TLCD4: variants seen among roughly 807,000 people sequenced by gnomAD.
TLCD4 encodes TLC domain-containing protein 4.
A neutral mutation model predicts 24.2 loss-of-function variants in TLCD4; 7 were observed. That is an observed-to-expected ratio of 0.29 (90% CI 0.16 to 0.54). The LOEUF is 0.54. Ranked by LOEUF, TLCD4 falls within the 20% of genes least tolerant of loss-of-function variation. The pLI is 0.95. For missense variants in TLCD4, 259 were observed against 313.9 expected (o/e 0.82, Z 1.32); for synonymous variants, 103 against 106.4 (o/e 0.97, Z 0.20).
chr1:95,181,340 T>C (rs1400998253), intron 6 of TLCD4, among the ~76,000 whole-genome samples: 1 of 152,168 alleles, frequency 6.6e-6, no homozygotes, highest in African/African-American at 2.4e-5. Flanking sequence ...GTTTGAAGCA[T>C]ATGAAAAATA....
At chr1:95,186,518 A>G (rs1678836150) in intron 6 of TLCD4, among the ~76,000 whole-genome samples, 1 of 152,212 alleles carries the variant, frequency 6.6e-6, no homozygotes, top group South Asian at 2.1e-4. Context: ...TTTGAAGGTC[A>G]AAGAAGTAGT....
chr1:95,093,358 T>A, the TLCD4 span, among the ~76,000 whole-genome samples: 2 of 152,246 alleles, frequency 1.3e-5, no homozygotes, highest in African/African-American at 4.8e-5. Context: ...TGGAAGTTTT[T>A]ATTGTGGTTA....
chr1:95,103,209 C>T, the TLCD4 span, among the ~76,000 whole-genome samples: 1 of 152,102 alleles, frequency 6.6e-6, no homozygotes, highest in African/African-American at 2.4e-5. Flanking sequence ...GAGCTGCTGA[C>T]CTCAGGTGAT....
chr1:95,133,593 C>T (rs1240049197), intron 1 of TLCD4, among the ~76,000 whole-genome samples: 1 of 152,076 alleles, frequency 6.6e-6, no homozygotes, highest in Non-Finnish European at 1.5e-5. Flanking sequence ...CATATGTTGG[C>T]TTCTACTTTT....
intron 1 of TLCD4, among the ~76,000 whole-genome samples, chr1:95,141,705 CAT>C (rs1677201117): frequency 6.6e-6 from 1 of 151,004 alleles, no homozygotes; most frequent in Non-Finnish European, 1.5e-5. Context: ...ACCCAATAAA[CAT>C]ATGTTGAATT....
intron 1 of TLCD4, among the ~76,000 whole-genome samples, chr1:95,135,548 C>T (rs1193347022): frequency 6.6e-6 from 1 of 152,016 alleles, no homozygotes; most frequent in Non-Finnish European, 1.5e-5. Context: ...CAGCCGCATA[C>T]CACCACGCCC....
intron 5 of TLCD4, among the ~76,000 whole-genome samples, chr1:95,157,534 T>C (rs957668874): frequency 1.3e-5 from 2 of 152,166 alleles, no homozygotes; most frequent in Admixed American, 1.3e-4. Flanking sequence ...TTGAAATCCA[T>C]TGACTCGTAA....
rs1309648591 is a variant in TLCD4 at position 95,173,437 on chromosome 1, G to A, written c.400-379G>A. Among the ~76,000 whole-genome samples the A allele has an allele frequency of 2.0e-5, 3 of 152,064 alleles. No individual in the cohort carries two copies. The East Asian group carries it at 5.8e-4, about 29-fold the overall frequency. On this transcript the variant is annotated intron_variant, in intron 5 of 6. Transcript: ENST00000370203. ...CCATTCTCCTGCCTCAGCCTCCCGA[G>A]TAGCTGGGACTACAGGCGCGTGCCA... is the stretch of plus-strand genomic sequence containing the variant.
Position 95,194,481 on chromosome 1 carries a change from A to T in TLCD4, c.*2613A>T, listed in dbSNP as rs1269098516. 1 of 152,256 alleles carries T rather than the reference A, an allele frequency of 6.6e-6. No homozygotes were observed. Among genetic ancestry groups the T allele is most frequent in the Non-Finnish European group, 1.5e-5 (1 of 67,982 alleles). 9.4% of individuals were successfully genotyped at this position (152,256 alleles called of 1,614,324 possible). A position where few individuals can be genotyped will look rare whatever the true frequency, so the allele number is the denominator to read the frequency against. On this transcript the variant is annotated 3_prime_UTR_variant, in exon 7 of 7. Coordinates refer to ENST00000370203, the MANE Select transcript of TLCD4 (RefSeq NM_152487.3). ...ATTAAATGAAAAACGTTTGCTAGACATTTTAAATATTAAGTATTTTGACTA... is the reference window on the plus strand; with the variant it reads ...ATTAAATGAAAAACGTTTGCTAGACTTTTTAAATATTAAGTATTTTGACTA...
At chr1:95,136,464 A>G (rs1361195611) in intron 1 of TLCD4, among the ~76,000 whole-genome samples, 1 of 152,264 alleles carries the variant, frequency 6.6e-6, no homozygotes, top group Non-Finnish European at 1.5e-5. Flanking sequence ...TTAATGTATT[A>G]GCTGTCTTTC....
chr1:95,184,143 A>C (rs191440157), intron 6 of TLCD4, among the ~76,000 whole-genome samples: 73 of 152,302 alleles, frequency 4.8e-4, no homozygotes, highest in African/African-American at 1.4e-3. Context: ...CCAAATCCTT[A>C]TTGGAGTTTT....
Position 95,196,315 on chromosome 1 carries a change from AG to A in TLCD4, c.*4450del, listed in dbSNP as rs1679204772. On this transcript the variant is annotated 3_prime_UTR_variant, in exon 7 of 7. Coordinates refer to ENST00000370203, the MANE Select transcript of TLCD4 (RefSeq NM_152487.3). Reference sequence around the variant, plus strand: ...AACTGAGATAACTCTGTGTTATGAGAGGGTGGATGCTGGCTTGTGCCAAAAT... The same window carrying A: ...AACTGAGATAACTCTGTGTTATGAGAGGTGGATGCTGGCTTGTGCCAAAAT... The A allele has an allele frequency of 6.6e-6, 1 of 152,140 alleles. No individual in the cohort carries two copies. Among genetic ancestry groups the A allele is most frequent in the South Asian group, 2.1e-4 (1 of 4,832 alleles). 9.4% of individuals were successfully genotyped at this position (152,140 alleles called of 1,614,324 possible).
Position 95,193,382 on chromosome 1 carries a change from TTATC to T in TLCD4, c.*1518_*1521del, listed in dbSNP as rs752960795. 2 of 152,148 alleles carry T rather than the reference TTATC, an allele frequency of 1.3e-5. No individual in the cohort carries two copies. Among genetic ancestry groups the T allele is most frequent in the Non-Finnish European group, 2.9e-5 (2 of 67,982 alleles). The allele number at this position is 152,148 out of a possible 1,614,324, so 9.4% of individuals were successfully genotyped here. ...GCAATCCAAATATAGAATTATATAT[TTATC>T]TATTATTGCCTTTATTCTTTAAGCA... On this transcript the variant is annotated 3_prime_UTR_variant, in exon 7 of 7. Transcript: ENST00000370203.
the TLCD4 span, among the ~76,000 whole-genome samples, chr1:95,102,650 G>A: frequency 1.8e-4 from 27 of 152,202 alleles, no homozygotes; most frequent in Non-Finnish European, 2.9e-4. Flanking sequence ...ATTCACCTTA[G>A]TGGATTGGGG....
At chr1:95,119,300 T>C (rs1048818950) in intron 1 of TLCD4, among the ~76,000 whole-genome samples, 2 of 152,160 alleles carry the variant, frequency 1.3e-5, no homozygotes, top group Non-Finnish European at 2.9e-5. Context: ...TGGCCTGTCT[T>C]TTCCTTGATT....
At chr1:95,169,089 C>A (rs922832949) in intron 5 of TLCD4, among the ~76,000 whole-genome samples, 26 of 152,196 alleles carry the variant, frequency 1.7e-4, no homozygotes, top group Admixed American at 9.2e-4. Context: ...GCTTATAGAT[C>A]GCTGGCTATT....
intron 5 of TLCD4, among the ~76,000 whole-genome samples, chr1:95,161,687 T>A (rs1677814080): frequency 6.6e-6 from 1 of 152,184 alleles, no homozygotes; most frequent in African/African-American, 2.4e-5. Flanking sequence ...GTCCCAGAGA[T>A]TCTGGTATGT....
chr1:95,178,229 G>A lies in TLCD4; in HGVS notation c.473+4340G>A, dbSNP rs1678503717. On this transcript the variant is annotated intron_variant, in intron 6 of 6. Transcript: ENST00000370203. ...CCCAAAGTGCTAGGATTACAGGTGT[G>A]AGCCACTGCACCCGGCCTCTTTTTA... Among the ~76,000 whole-genome samples, 5 of 151,832 alleles carry A rather than the reference G, an allele frequency of 3.3e-5. No individual in the cohort carries two copies. In the South Asian group the frequency reaches 1.0e-3, roughly 32 times the overall value.
intron 5 of TLCD4, among the ~76,000 whole-genome samples, chr1:95,158,446 G>A (rs1320513577): frequency 6.6e-6 from 1 of 151,904 alleles, no homozygotes; most frequent in Admixed American, 6.6e-5. Flanking sequence ...GCCTCCCAAA[G>A]TGCTAGGATT....
Sources: gnomAD v4.1 joint callset for allele counts (sites outside exome capture counted in the v4.1 genomes callset) on GRCh38, gnomAD v4.1.1 for gene constraint, MANE v1.5 for transcripts, NCBI Gene and HGNC (gene_info 2026-07-23, HGNC 2026-07-21) for gene names.